SNAP47: variants seen among roughly 807,000 people sequenced by gnomAD.
The protein encoded by SNAP47 is synaptosome associated protein 47, also known as synaptosomal-associated protein 47.
In SNAP47, 20 loss-of-function variants were observed where a neutral mutation model predicts 31.4. That is an observed-to-expected ratio of 0.64 (90% CI 0.45 to 0.93). The LOEUF is 0.93. SNAP47 is among the 40% of genes least tolerant of loss of function. SNAP47 has a pLI of 0.00. For missense variants in SNAP47, 492 were observed against 528.5 expected (o/e 0.93, Z 0.68); for synonymous variants, 194 against 213.4 (o/e 0.91, Z 0.79).
upstream of SNAP47, chr1:227,733,655 C>A (rs774389708): frequency 3.7e-6 from 6 of 1,602,348 alleles, no homozygotes; most frequent in African/African-American, 4.0e-5. Context: ...GCTGAAGGAG[C>A]GGAAGATGTC....
At chr1:227,732,319 CT>C, upstream of SNAP47, 1 of 1,559,808 alleles carries the variant, frequency 6.4e-7, no homozygotes, top group Non-Finnish European at 8.8e-7. Flanking sequence ...GGAGGGCGGT[CT>C]TTATTTCTGG....
At chr1:227,733,335 G>A, upstream of SNAP47, 1 of 1,447,712 alleles carries the variant, frequency 6.9e-7, no homozygotes, top group South Asian at 1.3e-5. Context: ...CCCAGCTCTG[G>A]CTGGGAGAGT....
chr1:227,765,221 T>A (rs1408712052), intron 3 of SNAP47, among the ~76,000 whole-genome samples: 1 of 151,558 alleles, frequency 6.6e-6, no homozygotes, highest in African/African-American at 2.4e-5. Context: ...CAGACCAGAC[T>A]ACGAGAGCCT....
chr1:227,747,049 T>C (rs16848112), intron 1 of SNAP47: 14,955 of 152,276 alleles, frequency 0.098, 1,095 homozygotes, highest in East Asian at 0.34. Context: ...CCTTCATTGC[T>C]TGCAGCTATG....
intron 1 of SNAP47, 125 bp from the exon 2 acceptor site, chr1:227,747,567 G>T: frequency 1.1e-6 from 1 of 948,992 alleles, no homozygotes; most frequent in Non-Finnish European, 1.6e-6. Flanking sequence ...CAGGTGGATC[G>T]AGAGTCAGCC....
upstream of SNAP47, chr1:227,731,059 C>T (rs1436435265): frequency 1.3e-5 from 2 of 152,640 alleles, no homozygotes; most frequent in Non-Finnish European, 2.9e-5. Flanking sequence ...CGACAAAGCA[C>T]CTTTGCTGCC....
intron 1 of SNAP47, among the ~76,000 whole-genome samples, chr1:227,737,737 GA>G (rs544821053): frequency 1.2e-3 from 187 of 152,238 alleles, no homozygotes; most frequent in Middle Eastern, 3.4e-3. Context: ...GGACTAGGAG[GA>G]AAGTGAGTTT....
At chr1:227,733,169 C>CT, upstream of SNAP47, 1 of 1,025,590 alleles carries the variant, frequency 9.8e-7, no homozygotes, top group Non-Finnish European at 1.4e-6. Flanking sequence ...AGGGCTTGCT[C>CT]AGCAGGGAAG....
intron 4 of SNAP47, among the ~76,000 whole-genome samples, chr1:227,768,988 T>C (rs926569833): frequency 2.6e-5 from 4 of 152,246 alleles, no homozygotes; most frequent in Non-Finnish European, 4.4e-5. Flanking sequence ...TTAATTGCAA[T>C]GGTGGCCATG....
chr1:227,738,007 T>G (rs1050964495), intron 1 of SNAP47, among the ~76,000 whole-genome samples: 2 of 151,390 alleles, frequency 1.3e-5, no homozygotes, highest in Non-Finnish European at 2.9e-5. Context: ...TTTGCTTTGG[T>G]TTTTTTTGGT....
chr1:227,734,917 C>G, upstream of SNAP47: 1 of 1,542,256 alleles, frequency 6.5e-7, no homozygotes, highest in Non-Finnish European at 8.8e-7. Flanking sequence ...TGGCCTCCCT[C>G]ACCCTCCCTG....
At chr1:227,758,922 T>C (rs187828927) in intron 2 of SNAP47, 73 bp from the exon 3 acceptor site, 4 of 1,512,186 alleles carry the variant, frequency 2.6e-6, no homozygotes, top group East Asian at 2.3e-5. Context: ...GTTAAAACCG[T>C]TTTCCAAAAA....
chr1:227,733,787 C>G, upstream of SNAP47: 1 of 1,584,626 alleles, frequency 6.3e-7, no homozygotes. Context: ...CCCTTGGTCT[C>G]AAGGGATGGC....
rs895022957 is a variant in SNAP47 at position 227,741,746 on chromosome 1, G to A, written c.-45-5946G>A. 2.0e-5 allele frequency among the ~76,000 whole-genome samples: 3 copies of A among 152,074 alleles called. No homozygotes were observed. The highest frequency in any genetic ancestry group is 7.2e-5 in the African/African-American group (3 of 41,394). On this transcript the variant is annotated intron_variant, in intron 1 of 4. Coordinates refer to ENST00000617596, the MANE Select transcript of SNAP47 (RefSeq NM_053052.4). This position sits in a 1 kb window ranked among gnomAD's most constrained non-coding sequence, Gnocchi z 4.2. ...GGGTAGGGGAATGGCTGGCCGGCGT[G>A]GGGGCCGTGTTCAAGATTGGGCTGC...
In SNAP47 at chr1:227,752,854, TC is replaced by T. The variant is rs1481202246; in HGVS notation, c.497+4623del. On this transcript the variant is annotated intron_variant, in intron 2 of 4. Transcript: ENST00000617596. ...TGCAGAGTCTCAGATGGGCAGTTAA[TC>T]CTTGCTTTCTTGGTCAATGCCTTGT... is the stretch of plus-strand genomic sequence containing the variant. Among the ~76,000 whole-genome samples, 12 of 152,320 alleles carry T rather than the reference TC, an allele frequency of 7.9e-5. No homozygotes were observed. In the East Asian group the frequency reaches 2.3e-3, roughly 29 times the overall value.
chr1:227,770,402 G>T (rs950013946), intron 4 of SNAP47, among the ~76,000 whole-genome samples: 2 of 152,144 alleles, frequency 1.3e-5, no homozygotes, highest in African/African-American at 4.8e-5. Context: ...CTGTCCTCAC[G>T]TCTTTGTTTG....
upstream of SNAP47, chr1:227,732,364 A>G: frequency 6.2e-7 from 1 of 1,604,218 alleles, no homozygotes; most frequent in Non-Finnish European, 8.5e-7. Context: ...CCTCTCTTCC[A>G]CCCGTCCTTC....
intron 2 of SNAP47, among the ~76,000 whole-genome samples, chr1:227,755,266 C>CG (rs1662624821): frequency 6.6e-6 from 1 of 152,110 alleles, no homozygotes. Flanking sequence ...TGCAGTGGCG[C>CG]GATCACAGCT....
intron 4 of SNAP47, chr1:227,777,041 A>G (rs1664200786): frequency 3.0e-6 from 3 of 985,396 alleles, no homozygotes; most frequent in Non-Finnish European, 2.4e-6. Context: ...ACCCTAAACT[A>G]TAGAAATTTT....
Sources: gnomAD v4.1 joint callset for allele counts (sites outside exome capture counted in the v4.1 genomes callset) on GRCh38, gnomAD v4.1.1 for gene constraint, Gnocchi (gnomAD v3.1) non-coding constraint, MANE v1.5 for transcripts, NCBI Gene and HGNC (gene_info 2026-07-23, HGNC 2026-07-21) for gene names.